Variants in CALN1 observed in about 807,000 individuals in gnomAD.
CALN1 encodes calneuron 1, also known as calcium-binding protein 8.
In CALN1, 17 loss-of-function variants were observed where a neutral mutation model predicts 30.6. The observed-to-expected ratio is 0.56, with a 90% CI of 0.38 to 0.83. The LOEUF (loss-of-function observed/expected upper bound fraction) is 0.83. Ranked by LOEUF, CALN1 falls within the 40% of genes least tolerant of loss-of-function variation. The pLI, the probability that CALN1 is intolerant of heterozygous loss-of-function variation, is 0.00. For synonymous variants in CALN1, 156 were observed against 131.4 expected, an observed-to-expected ratio of 1.19 and a Z score of -1.28; for missense variants, 291 against 354.9, an observed-to-expected ratio of 0.82 and a Z score of 1.45.
chr7:72,457,004 C>CTTTTTTTTTT, the CALN1 span, among the ~76,000 whole-genome samples: 1 of 106,574 alleles, frequency 9.4e-6, no homozygotes, highest in Non-Finnish European at 1.8e-5. Flanking sequence ...TTCTTTCTTT[C>CTTTTTTTTTT]TTTTTTTTTT....
chr7:72,466,829 AAG>A, the CALN1 span, among the ~76,000 whole-genome samples: 1 of 147,504 alleles, frequency 6.8e-6, no homozygotes, highest in Non-Finnish European at 1.5e-5. Context: ...AAAAGAAAGA[AAG>A]AGAGAGAAAG....
intron 2 of CALN1, among the ~76,000 whole-genome samples, chr7:72,303,138 A>G (rs901271245): frequency 1.3e-5 from 2 of 152,150 alleles, no homozygotes; most frequent in Non-Finnish European, 2.9e-5. Context: ...GAAATCACTC[A>G]GTGAATTATT....
chr7:72,393,574 T>C (rs1562943706), intron 2 of CALN1, among the ~76,000 whole-genome samples: 1 of 152,162 alleles, frequency 6.6e-6, no homozygotes, highest in African/African-American at 2.4e-5. Flanking sequence ...GGACACTGCA[T>C]GAACATGTAC....
At chr7:72,086,974 A>T (rs1421880812) in intron 4 of CALN1, among the ~76,000 whole-genome samples, 1 of 152,174 alleles carries the variant, frequency 6.6e-6, no homozygotes, top group Non-Finnish European at 1.5e-5. Context: ...ATCTCAATAG[A>T]CGTCAAAAAG....
intron 5 of CALN1, among the ~76,000 whole-genome samples, chr7:71,918,562 C>T (rs1232929513): frequency 6.6e-6 from 1 of 152,160 alleles, no homozygotes. Context: ...TGCCTGCAAG[C>T]ACAAGAATGA....
intron 2 of CALN1, among the ~76,000 whole-genome samples, chr7:72,393,709 A>C (rs1310641030): frequency 6.6e-6 from 1 of 150,552 alleles, no homozygotes; most frequent in East Asian, 2.0e-4. Context: ...TCAGGTGCCT[A>C]GGAGTCGGCC....
At chr7:72,310,297 A>G (rs1482423952) in intron 2 of CALN1, among the ~76,000 whole-genome samples, 4 of 151,122 alleles carry the variant, frequency 2.6e-5, no homozygotes, top group Non-Finnish European at 5.9e-5. Context: ...TCATTGAGCC[A>G]TTGTGAGGGT....
Position 71,928,209 on chromosome 7 carries a change from G to A in CALN1, c.501+95448C>T, listed in dbSNP as rs916394207. On this transcript the variant is annotated intron_variant, in intron 5 of 6. Transcript: ENST00000395275. ...CATGGAGAATACCCTGTAAGTGGGCGCAAGCCTATATTCTCATGCAAGTCC... is the reference window on the plus strand; with the variant it reads ...CATGGAGAATACCCTGTAAGTGGGCACAAGCCTATATTCTCATGCAAGTCC... 6.6e-5 allele frequency among the ~76,000 whole-genome samples: 10 copies of A among 152,112 alleles called. No homozygotes were observed. In the East Asian group the frequency reaches 1.5e-3, roughly 24 times the overall value.
At chr7:72,213,432 G>T (rs1481218387) in intron 3 of CALN1, among the ~76,000 whole-genome samples, 1 of 152,168 alleles carries the variant, frequency 6.6e-6, no homozygotes, top group Admixed American at 6.5e-5. Context: ...GGTTGCCTGG[G>T]GCTGGGAGTG....
Position 72,112,447 on chromosome 7 carries a change from TTG to T in CALN1, c.245-6155_245-6154del, listed in dbSNP as rs775465123. ...TGGCTTTATTAACAAAGAAGATGCG[TTG>T]TGAGGCTAGATGGCATTGAGACACT... On this transcript the variant is annotated intron_variant, in intron 3 of 6. Transcript: ENST00000395275. Among the ~76,000 whole-genome samples the T allele has an allele frequency of 4.6e-5, 7 of 152,138 alleles. No homozygotes were observed. The East Asian group carries it at 7.7e-4, about 17-fold the overall frequency.
chr7:72,448,458 C>G (rs1808586367), upstream of CALN1, among the ~76,000 whole-genome samples: 1 of 152,034 alleles, frequency 6.6e-6, no homozygotes, highest in Non-Finnish European at 1.5e-5. Context: ...TTTGCTTGCC[C>G]CTGCTTGAGC....
chr7:72,146,998 C>T (rs2129543842), intron 3 of CALN1, among the ~76,000 whole-genome samples: 1 of 152,252 alleles, frequency 6.6e-6, no homozygotes, highest in Middle Eastern at 3.4e-3. Context: ...CATGTTAGAC[C>T]TAAAACCATA....
At chr7:72,396,394 G>C (rs1477853149) in intron 2 of CALN1, among the ~76,000 whole-genome samples, 3 of 146,588 alleles carry the variant, frequency 2.0e-5, no homozygotes, top group Non-Finnish European at 3.0e-5. Flanking sequence ...CTGCACTCCA[G>C]CTTGGGTGAC....
chr7:71,839,618 G>T (rs1443001271), intron 5 of CALN1, among the ~76,000 whole-genome samples: 1 of 152,196 alleles, frequency 6.6e-6, no homozygotes, highest in Non-Finnish European at 1.5e-5. Flanking sequence ...TGCTGGATTG[G>T]ATTATCTGCT....
intron 5 of CALN1, among the ~76,000 whole-genome samples, chr7:71,892,458 C>T (rs746439521): frequency 3.3e-5 from 5 of 152,132 alleles, no homozygotes; most frequent in East Asian, 1.9e-4. Flanking sequence ...GGCAACAAGG[C>T]GAAAGCCCGT....
At chr7:72,114,971 G>T (rs1385180693) in intron 3 of CALN1, among the ~76,000 whole-genome samples, 1 of 151,412 alleles carries the variant, frequency 6.6e-6, no homozygotes, top group South Asian at 2.1e-4. Flanking sequence ...TCCAGCCTGG[G>T]CAACAAGAGA....
At chr7:72,436,543 T>G (rs940045394) in intron 1 of CALN1, among the ~76,000 whole-genome samples, 3 of 152,190 alleles carry the variant, frequency 2.0e-5, no homozygotes, top group Admixed American at 1.3e-4. Context: ...AGTCTCTTGG[T>G]GACTAGGAGG....
At chr7:71,818,028 C>T (rs1391839934) in intron 5 of CALN1, among the ~76,000 whole-genome samples, 1 of 152,012 alleles carries the variant, frequency 6.6e-6, no homozygotes, top group Non-Finnish European at 1.5e-5. Context: ...ACTAATCCAA[C>T]AAATGGTTAT....
rs186644996 is a variant in CALN1 at position 71,802,294 on chromosome 7, C to T, written c.658+8042G>A. 2.0e-5 allele frequency among the ~76,000 whole-genome samples: 3 copies of T among 152,308 alleles called. No individual in the cohort carries two copies. The East Asian group carries it at 5.8e-4, about 29-fold the overall frequency. On this transcript the variant is annotated intron_variant, in intron 6 of 6. Transcript: ENST00000395275. ...ACCAAATAATAAGATATACATTCGT[C>T]TCAGTGTCATTGAGCTTATGATCTC...
Sources: allele counts gnomAD v4.1 joint callset (sites outside exome capture counted in the v4.1 genomes callset), GRCh38; gene constraint gnomAD v4.1.1; transcripts MANE v1.5; gene names NCBI Gene and HGNC (gene_info 2026-07-23, HGNC 2026-07-21).